Variants in CCDC125 observed in about 807,000 individuals in gnomAD.
CCDC125 encodes the protein coiled-coil domain-containing protein 125.
Under a neutral mutation model 57.4 loss-of-function variants are expected in CCDC125, and 43 were observed. The observed-to-expected ratio is 0.75, with a 90% CI of 0.59 to 0.97. The LOEUF (loss-of-function observed/expected upper bound fraction) is 0.97. Among genes scored for constraint, CCDC125 ranks in the 50% least tolerant of loss-of-function variants. The pLI, the probability that CCDC125 is intolerant of heterozygous loss-of-function variation, is 0.00. For missense variants in CCDC125, 563 were observed against 595.7 expected (o/e 0.95, Z 0.57); for synonymous variants, 187 against 195.2 (o/e 0.96, Z 0.35).
chr5:69,293,645 C>A, intron 9 of CCDC125, among the ~76,000 whole-genome samples: 1 of 98,736 alleles, frequency 1.0e-5, no homozygotes. Flanking sequence ...AAGAATCCGT[C>A]TCAAAAAAAA....
chr5:69,314,066 G>T lies in CCDC125; in HGVS notation c.305-20C>A, dbSNP rs377643727. ...AATCTACTTGGGAGGGAGGAGAAAA[G>T]AATCTATTAGGGGAAAAATTTTGAA... On this transcript the variant is annotated intron_variant, in intron 2 of 11. Coordinates refer to ENST00000396496, the MANE Select transcript of CCDC125 (RefSeq NM_176816.5). The T allele has an allele frequency of 5.8e-5, 90 of 1,547,168 alleles. No individual in the cohort carries two copies. The highest frequency in any genetic ancestry group is 8.4e-5 in the Admixed American group (5 of 59,302).
At chr5:69,332,044 A>C (rs1173970277) in intron 1 of CCDC125, among the ~76,000 whole-genome samples, 2 of 152,266 alleles carry the variant, frequency 1.3e-5, no homozygotes, top group Non-Finnish European at 2.9e-5. Flanking sequence ...ACCTTTGGAC[A>C]GAAGAATCTA....
At chr5:69,285,501 TA>T (rs1178065164) in intron 10 of CCDC125, 34 bp from the exon 11 acceptor site, 1 of 1,577,682 alleles carries the variant, frequency 6.3e-7, no homozygotes, top group East Asian at 2.3e-5. Flanking sequence ...GCTGAGACAT[TA>T]AAATATCCTC....
At chr5:69,279,927 A>G (rs1218811391), downstream of CCDC125, among the ~76,000 whole-genome samples, 1 of 152,150 alleles carries the variant, frequency 6.6e-6, no homozygotes, top group African/African-American at 2.4e-5. Context: ...GAAACTTACA[A>G]TCCTGGCAGA....
At chr5:69,303,463 A>T (rs1756843569) in intron 7 of CCDC125, among the ~76,000 whole-genome samples, 1 of 150,290 alleles carries the variant, frequency 6.7e-6, no homozygotes, top group Non-Finnish European at 1.5e-5. Flanking sequence ...CTCCAGAGTA[A>T]AAGCGATTCA....
intron 7 of CCDC125, among the ~76,000 whole-genome samples, chr5:69,302,420 C>CACA (rs1756623894): frequency 3.3e-5 from 1 of 30,742 alleles, no homozygotes; most frequent in Non-Finnish European, 5.0e-5. Context: ...GACTCCATCT[C>CACA]AAAAAAAAAA....
At chr5:69,303,363 T>A (rs1039359674) in intron 7 of CCDC125, among the ~76,000 whole-genome samples, 2 of 141,468 alleles carry the variant, frequency 1.4e-5, no homozygotes, top group South Asian at 4.7e-4. Flanking sequence ...ATTGTTCACT[T>A]TTTTTTTTTT....
rs565400020 is a variant in CCDC125, at chr5:69,321,306, C to G, written c.-40-726G>C. ...CCTCATAAATATAGGCAGCCATAAT[C>G]TGTCAATTTTCAATTAAAAAAACAA... On this transcript the variant is annotated intron_variant, in intron 1 of 11. Transcript: ENST00000396496. 9.2e-5 allele frequency among the ~76,000 whole-genome samples: 14 copies of G among 152,198 alleles called. No homozygotes were observed. In the South Asian group the frequency reaches 2.5e-3, roughly 27 times the overall value.
At chr5:69,301,093 CAA>C (rs35499156) in intron 7 of CCDC125, among the ~76,000 whole-genome samples, 2 of 99,082 alleles carry the variant, frequency 2.0e-5, no homozygotes, top group Non-Finnish European at 3.9e-5. Flanking sequence ...GACTCCCTCT[CAA>C]AAAAAAAAAA....
rs773967318 is a variant in CCDC125 at position 69,311,151 on chromosome 5, A to G, written c.420T>C (p.Gly140=). The change falls in exon 4 of 12, where the codon GGT becomes GGC. Residue 140 remains glycine, a synonymous_variant. Coordinates refer to ENST00000396496, the MANE Select transcript of CCDC125 (RefSeq NM_176816.5). ...ELEASQRQLR[G]KEEALKILQS... is the part of the protein sequence containing the mutation. Reference sequence around the variant, plus strand: ...GAAGAATTTTCAATGCTTCCTCTTTACCTCTGAGTTGTCTTTGAGATGCCT... The same window carrying G: ...GAAGAATTTTCAATGCTTCCTCTTTGCCTCTGAGTTGTCTTTGAGATGCCT... 94 of 1,611,186 alleles carry G rather than the reference A, an allele frequency of 5.8e-5. No homozygotes were observed. The highest frequency in any genetic ancestry group is 7.6e-5 in the Non-Finnish European group (90 of 1,178,384).
Position 69,285,372 on chromosome 5 carries a change from T to A in CCDC125, c.1195A>T (p.Ser399Cys). ...AGCATCTTAAGGACCTCTTGAGGAC[T>A]GTCCTGGTCTTCCATCCTCTTAGAA... is the stretch of plus-strand genomic sequence containing the variant. ...NSSKRMEDQD[S>C]PQEVLKMLID... is the part of the protein sequence containing the mutation. The change falls in exon 11 of 12, where the codon AGT becomes TGT. Residue 399 changes from serine to cysteine, a missense_variant. Transcript: ENST00000396496. 2.5e-6 allele frequency: 4 copies of A among 1,612,092 alleles called. No individual in the cohort carries two copies. The highest frequency in any genetic ancestry group is 3.4e-6 in the Non-Finnish European group (4 of 1,179,418).
intron 10 of CCDC125, among the ~76,000 whole-genome samples, chr5:69,286,651 C>T (rs1753536491): frequency 6.6e-6 from 1 of 152,228 alleles, no homozygotes; most frequent in Admixed American, 6.5e-5. Context: ...CATTGATGTC[C>T]TTCTTCATCC....
chr5:69,299,157 C>T (rs555733267), intron 8 of CCDC125, among the ~76,000 whole-genome samples: 2 of 150,660 alleles, frequency 1.3e-5, no homozygotes, highest in Non-Finnish European at 1.5e-5. Flanking sequence ...TCGCCCAGGC[C>T]AGACTGCAGT....
intron 4 of CCDC125, chr5:69,308,998 G>A (rs1184894075): frequency 6.5e-6 from 1 of 152,904 alleles, no homozygotes; most frequent in Non-Finnish European, 1.5e-5. Context: ...GAACTTGAGA[G>A]AGATGATTTA....
intron 2 of CCDC125, among the ~76,000 whole-genome samples, chr5:69,316,139 A>G (rs557781573): frequency 6.6e-6 from 1 of 152,194 alleles, no homozygotes. Context: ...ACAGGCTTCC[A>G]AGGAGGGCAG....
intron 8 of CCDC125, among the ~76,000 whole-genome samples, chr5:69,299,463 T>A (rs1490935600): frequency 6.6e-6 from 1 of 152,184 alleles, no homozygotes; most frequent in Non-Finnish European, 1.5e-5. Context: ...ACTGCTCCAT[T>A]ATTTTTTTGT....
chr5:69,307,821 AC>A, intron 5 of CCDC125, 129 bp downstream of exon 5: 1 of 663,930 alleles, frequency 1.5e-6, no homozygotes, highest in Non-Finnish European at 2.7e-6. Context: ...AAAAGGGAAG[AC>A]CATCAGAACT....
At chr5:69,295,261 T>G (rs1755124513) in intron 8 of CCDC125, among the ~76,000 whole-genome samples, 1 of 152,170 alleles carries the variant, frequency 6.6e-6, no homozygotes, top group South Asian at 2.1e-4. Context: ...AGCATACCTT[T>G]CCTGTAACAG....
chr5:69,322,713 C>A (rs1235653606), intron 1 of CCDC125, among the ~76,000 whole-genome samples: 1 of 151,930 alleles, frequency 6.6e-6, no homozygotes, highest in East Asian at 2.0e-4. Flanking sequence ...CAGGCACGCG[C>A]CACCACACCC....
Sources: gnomAD v4.1 joint callset for allele counts (sites outside exome capture counted in the v4.1 genomes callset) on GRCh38, gnomAD v4.1.1 for gene constraint, MANE v1.5 for transcripts, NCBI Gene and HGNC (gene_info 2026-07-23, HGNC 2026-07-21) for gene names.